RIMKLA: variants seen among roughly 807,000 people sequenced by gnomAD.
The protein encoded by RIMKLA is N-acetylaspartylglutamate synthase A.
RIMKLA carries 14 observed loss-of-function variants against 32.7 expected under a neutral mutation model. The ratio of observed to expected loss-of-function variants is 0.43; its 90% CI spans 0.28 to 0.67. The LOEUF (loss-of-function observed/expected upper bound fraction) is 0.67. Ranked by LOEUF, RIMKLA falls within the 30% of genes least tolerant of loss-of-function variation. The probability of loss-of-function intolerance (pLI) is 0.18; values close to 1 mark genes in which losing one functional copy is unlikely to be tolerated. For missense variants in RIMKLA, 410 were observed against 519.0 expected, an observed-to-expected ratio of 0.79 and a Z score of 2.04; for synonymous variants, 176 against 204.1, an observed-to-expected ratio of 0.86 and a Z score of 1.18.
chr1:42,392,581 G>A (rs777078443), intron 1 of RIMKLA, among the ~76,000 whole-genome samples: 7 of 152,054 alleles, frequency 4.6e-5, no homozygotes, highest in African/African-American at 9.7e-5. Flanking sequence ...AGGATCCCAC[G>A]TTGCCCACAC....
chr1:42,410,193 G>A lies in RIMKLA; in HGVS notation c.685+6G>A. ...GCAGAGCAACTGCTCTCTCGGTAAG[G>A]TATAAAAGCACAGGGTTTTATTAGG... On this transcript the variant is annotated splice_donor_region_variant and intron_variant, in intron 4 of 4. Coordinates refer to ENST00000431473, the MANE Select transcript of RIMKLA (RefSeq NM_173642.4). 10 of 1,613,360 alleles carry A rather than the reference G, an allele frequency of 6.2e-6. No individual in the cohort carries two copies. The highest frequency in any genetic ancestry group is 8.5e-6 in the Non-Finnish European group (10 of 1,179,368).
intron 1 of RIMKLA, among the ~76,000 whole-genome samples, chr1:42,386,754 A>G (rs1022394158): frequency 4.0e-5 from 6 of 151,456 alleles, no homozygotes; most frequent in African/African-American, 1.5e-4. Context: ...GCTTGGTGGC[A>G]TGCACCTGTA....
At position 42,410,124 on chromosome 1, in the gene RIMKLA, C is replaced by A. The variant is rs1422745099; in HGVS notation, c.622C>A (p.Gln208Lys). Residue 208 changes from glutamine (Q) to lysine (K), a missense_variant, in exon 4 of 5, where the codon CAG becomes AAG. By Grantham distance (53) the Gln-to-Lys change is moderately conservative. Coordinates refer to ENST00000431473, the MANE Select transcript of RIMKLA (RefSeq NM_173642.4). ...KDIRVVVVGG[Q>K]VIGSMLRCST... Reference sequence around the variant, plus strand: ...CATCCGGGTGGTGGTGGTAGGGGGCCAGGTCATAGGCTCTATGCTTCGCTG... The same window carrying A: ...CATCCGGGTGGTGGTGGTAGGGGGCAAGGTCATAGGCTCTATGCTTCGCTG... 1.9e-6 allele frequency: 3 copies of A among 1,614,114 alleles called. No individual in the cohort carries two copies. Among genetic ancestry groups the A allele is most frequent in the Non-Finnish European group, 2.5e-6 (3 of 1,180,010 alleles).
At chr1:42,381,154 G>A in intron 1 of RIMKLA, 57 bp downstream of exon 1, 8 of 1,221,138 alleles carry the variant, frequency 6.6e-6, no homozygotes, top group Non-Finnish European at 8.2e-6. Context: ...ACGAGAGCCG[G>A]TCGGGTGGGC....
At chr1:42,412,962 C>T (rs962909907) in intron 4 of RIMKLA, among the ~76,000 whole-genome samples, 6 of 151,910 alleles carry the variant, frequency 3.9e-5, no homozygotes, top group Admixed American at 1.3e-4. Context: ...GGTGAAACCC[C>T]GTCTCTACTA....
chr1:42,409,992 G>A lies in RIMKLA; in HGVS notation c.490G>A (p.Val164Ile). 6.2e-7 allele frequency: 1 copy of A among 1,614,052 alleles called. No homozygotes were observed. Among genetic ancestry groups the A allele is most frequent in the Non-Finnish European group, 8.5e-7 (1 of 1,179,920 alleles). Reference sequence around the variant, plus strand: ...TCTTTTTCTTCTTAAAGGAAAAGCTGTTTTTCTGGCAAGAGATAAACATCA... The same window carrying A: ...TCTTTTTCTTCTTAAAGGAAAAGCTATTTTTCTGGCAAGAGATAAACATCA... ...KSTRGHRGKA[V>I]FLARDKHHLS... The change falls in exon 4 of 5, where the codon GTT becomes ATT. Residue 164 changes from valine to isoleucine, a missense_variant. Physicochemically the swap from Val to Ile is conservative, Grantham distance 29. Transcript: ENST00000431473.
At chr1:42,392,383 T>C (rs369166314) in intron 1 of RIMKLA, among the ~76,000 whole-genome samples, 142 of 152,342 alleles carry the variant, frequency 9.3e-4, no homozygotes, top group African/African-American at 3.2e-3. Context: ...AACTGTGTGT[T>C]GTCTGTCTTC....
rs1246900736 is a variant in RIMKLA, at chr1:42,423,729, C to T, written c.*8755C>T. 6.6e-6 allele frequency among the ~76,000 whole-genome samples: 1 copy of T among 152,200 alleles called. No individual in the cohort carries two copies. Among genetic ancestry groups the T allele is most frequent in the Non-Finnish European group, 1.5e-5 (1 of 68,046 alleles). ...TTACATGGTGTCCCTCTAGGACTCT[C>T]CCAGCTTCATGCTGCTGGCACCCAC... On this transcript the variant is annotated 3_prime_UTR_variant, in exon 5 of 5. Coordinates refer to ENST00000431473, the MANE Select transcript of RIMKLA (RefSeq NM_173642.4).
intron 1 of RIMKLA, among the ~76,000 whole-genome samples, chr1:42,393,512 A>G (rs17378164): frequency 0.15 from 22,860 of 152,180 alleles, 1,811 homozygotes; most frequent in East Asian, 0.22. Context: ...GGAAAGAGAA[A>G]ATGGCCACAT....
At chr1:42,382,866 G>GC (rs537222126) in intron 1 of RIMKLA, among the ~76,000 whole-genome samples, 208 of 150,946 alleles carry the variant, frequency 1.4e-3, no homozygotes, top group African/African-American at 4.9e-3. Context: ...TCTTTTTTTT[G>GC]TTTTTTTTGA....
At chr1:42,411,611 C>T (rs1026190938) in intron 4 of RIMKLA, among the ~76,000 whole-genome samples, 4 of 151,772 alleles carry the variant, frequency 2.6e-5, no homozygotes, top group Admixed American at 6.6e-5. Context: ...TAGGTGTGTA[C>T]CACCACACCT....
rs531817363 is a variant in RIMKLA at position 42,388,476 on chromosome 1, AT to A, written c.163+7381del. ...TATCTCGGCCTCCCAAAGTGCTAGG[AT>A]TACAGGCATGAGCCACTGTGCTTGG... is the stretch of plus-strand genomic sequence containing the variant. On this transcript the variant is annotated intron_variant, in intron 1 of 4. Coordinates refer to ENST00000431473, the MANE Select transcript of RIMKLA (RefSeq NM_173642.4). Among the ~76,000 whole-genome samples, 174 of 148,846 alleles carry A rather than the reference AT, an allele frequency of 1.2e-3. 1 individual carries two copies. The highest frequency in any genetic ancestry group is 8.7e-3 in the South Asian group (41 of 4,688).
intron 1 of RIMKLA, among the ~76,000 whole-genome samples, chr1:42,393,705 G>A (rs1457486434): frequency 1.3e-5 from 2 of 152,198 alleles, no homozygotes; most frequent in African/African-American, 2.4e-5. Context: ...TGATGGAGGT[G>A]TGCCAAGTCA....
chr1:42,415,146 T>C lies in RIMKLA; in HGVS notation c.*172T>C. On this transcript the variant is annotated 3_prime_UTR_variant, in exon 5 of 5. Transcript: ENST00000431473. Reference sequence around the variant, plus strand: ...AGCAAATGGCCTAGCTTTGTGGTTTTTACAAAGACAAATATAAAAACACTC... The same window carrying C: ...AGCAAATGGCCTAGCTTTGTGGTTTCTACAAAGACAAATATAAAAACACTC... 1.5e-6 allele frequency: 1 copy of C among 664,250 alleles called. No homozygotes were observed. The highest frequency in any genetic ancestry group is 2.5e-6 in the Non-Finnish European group (1 of 407,610). The allele number at this position is 664,250 out of a possible 1,614,324, so 41.1% of individuals were successfully genotyped here. A position where few individuals can be genotyped will look rare whatever the true frequency, so the allele number is the denominator to read the frequency against.
chr1:42,422,775 A>G lies in RIMKLA; in HGVS notation c.*7801A>G, dbSNP rs917746921. On this transcript the variant is annotated 3_prime_UTR_variant, in exon 5 of 5. Coordinates refer to ENST00000431473, the MANE Select transcript of RIMKLA (RefSeq NM_173642.4). Reference sequence around the variant, plus strand: ...AAACTATAATTTTCCTTTCAAACGCAGAGTGCCGTCTGAATTGTAATACTG... The same window carrying G: ...AAACTATAATTTTCCTTTCAAACGCGGAGTGCCGTCTGAATTGTAATACTG... Among the ~76,000 whole-genome samples, 4 of 152,230 alleles carry G rather than the reference A, an allele frequency of 2.6e-5. No homozygotes were observed. Among genetic ancestry groups the G allele is most frequent in the African/African-American group, 4.8e-5 (2 of 41,460 alleles).
At chr1:42,395,990 C>T (rs911432879) in intron 1 of RIMKLA, among the ~76,000 whole-genome samples, 5 of 152,062 alleles carry the variant, frequency 3.3e-5, no homozygotes, top group Non-Finnish European at 7.4e-5. Context: ...CCTGTAATCC[C>T]AGCACTTTGG....
At chr1:42,381,249 G>C (rs1220194947) in intron 1 of RIMKLA, 152 bp downstream of exon 1, 7 of 519,316 alleles carry the variant, frequency 1.3e-5, no homozygotes, top group Non-Finnish European at 1.8e-5. Context: ...TGGGGTTGGA[G>C]AAAGCCGCTA....
chr1:42,384,607 G>GTA (rs201524495), intron 1 of RIMKLA, among the ~76,000 whole-genome samples: 4 of 112,956 alleles, frequency 3.5e-5, no homozygotes, highest in African/African-American at 6.6e-5. Flanking sequence ...ATATATGTAT[G>GTA]TATATATATA....
chr1:42,393,795 AT>A (rs1236257496), intron 1 of RIMKLA, among the ~76,000 whole-genome samples: 1 of 151,990 alleles, frequency 6.6e-6, no homozygotes, highest in Non-Finnish European at 1.5e-5. Context: ...TTTTTTATTT[AT>A]TTTTGAGACA....
Sources: gnomAD v4.1 joint callset for allele counts (sites outside exome capture counted in the v4.1 genomes callset) on GRCh38, gnomAD v4.1.1 for gene constraint, MANE v1.5 for transcripts, NCBI Gene and HGNC (gene_info 2026-07-23, HGNC 2026-07-21) for gene names.